The following PNPLA7 variants were observed in gnomAD, a reference collection of about 807,000 sequenced individuals.
The protein encoded by PNPLA7 is patatin-like phospholipase domain-containing protein 7.
PNPLA7 carries 153 observed loss-of-function variants against 161.7 expected under a neutral mutation model. That is an observed-to-expected ratio of 0.95 (90% CI 0.83 to 1.08). The LOEUF (loss-of-function observed/expected upper bound fraction) is 1.08, where lower values mean the gene tolerates loss of function less well. Among genes scored for constraint, PNPLA7 ranks in the 50% least tolerant of loss-of-function variants. The pLI, the probability that PNPLA7 is intolerant of heterozygous loss-of-function variation, is 0.00. For synonymous variants in PNPLA7, 809 were observed against 782.1 expected (o/e 1.03, Z -0.57); for missense variants, 1,739 against 1,856.6 (o/e 0.94, Z 1.16).
At chr9:137,488,531 G>A (rs1043800320) in intron 20 of PNPLA7, among the ~76,000 whole-genome samples, 8 of 152,184 alleles carry the variant, frequency 5.3e-5, no homozygotes, top group African/African-American at 1.7e-4. Context: ...TCCAAAGGAT[G>A]GAGAGGAAGG....
At chr9:137,498,761 C>T (rs553326090) in intron 16 of PNPLA7, among the ~76,000 whole-genome samples, 8 of 152,120 alleles carry the variant, frequency 5.3e-5, no homozygotes, top group South Asian at 2.1e-4. Context: ...GACAGACTGT[C>T]GAGGGTGAGG....
chr9:137,503,600 A>AAGGAGGAAGAAGG (rs1222424070), intron 14 of PNPLA7, among the ~76,000 whole-genome samples: 1 of 101,044 alleles, frequency 9.9e-6, no homozygotes, highest in East Asian at 3.4e-4. Context: ...GGAGAAGGAG[A>AAGGAGGAAGAAGG]AGGAGGAAGA....
chr9:137,480,377 A>C lies in PNPLA7; in HGVS notation c.2515T>G (p.Cys839Gly). The C allele has an allele frequency of 6.2e-7, 1 of 1,613,536 alleles. No homozygotes were observed. Among genetic ancestry groups the C allele is most frequent in the South Asian group, 1.1e-5 (1 of 91,060 alleles). The change falls in exon 23 of 35, where the codon TGC becomes GGC. Residue 839 changes from cysteine to glycine, a missense_variant. Coordinates refer to ENST00000406427, the MANE Select transcript of PNPLA7 (RefSeq NM_001098537.3). Reference sequence around the variant, plus strand: ...AGGATGCAGTCGGCCTGGCGCACGCAGCGCTGGGTCCAGGGTGTGAGCGTG... The same window carrying C: ...AGGATGCAGTCGGCCTGGCGCACGCCGCGCTGGGTCCAGGGTGTGAGCGTG... ...DGTLTPWTQR[C>G]VRQADCILIV...
intron 8 of PNPLA7, among the ~76,000 whole-genome samples, chr9:137,533,566 C>G (rs1835705828): frequency 6.7e-6 from 1 of 150,144 alleles, no homozygotes; most frequent in Non-Finnish European, 1.5e-5. Flanking sequence ...ACAATGTCCA[C>G]TCCAGGCGGG....
At chr9:137,474,856 C>CAAAAA (rs750987273) in intron 25 of PNPLA7, among the ~76,000 whole-genome samples, 1,766 of 107,058 alleles carry the variant, frequency 0.016, 48 homozygotes, top group African/African-American at 0.057. Flanking sequence ...ACTAAAAATA[C>CAAAAA]AAAAAAAAAA....
chr9:137,484,720 G>A lies in PNPLA7; in HGVS notation c.2214C>T (p.Leu738=), dbSNP rs1232377237. Residue 738 remains leucine (L), a synonymous_variant, in exon 21 of 35, where the codon CTC becomes CTT. Coordinates refer to ENST00000406427, the MANE Select transcript of PNPLA7 (RefSeq NM_001098537.3). ...AGTCCCACTTGCTGCCCTCCGTGGG[G>A]AGCCCAAGCTGGTGGCCTGTGGAGC... ...QGPVTGHQLG[L]PTEGSKWDLG... is the part of the protein sequence containing the mutation. 1 of 1,610,446 alleles carries A rather than the reference G, an allele frequency of 6.2e-7. No homozygotes were observed. Among genetic ancestry groups the A allele is most frequent in the Non-Finnish European group, 8.5e-7 (1 of 1,178,384 alleles).
At chr9:137,532,910 C>T (rs1043068761) in intron 8 of PNPLA7, among the ~76,000 whole-genome samples, 1 of 151,894 alleles carries the variant, frequency 6.6e-6, no homozygotes, top group Non-Finnish European at 1.5e-5. Flanking sequence ...GGGAGCACTC[C>T]CAGACTCCTC....
At chr9:137,503,607 A>AAGAAGGAGGAGGG (rs1416398945) in intron 14 of PNPLA7, among the ~76,000 whole-genome samples, 24 of 123,282 alleles carry the variant, frequency 1.9e-4, no homozygotes, top group East Asian at 8.0e-4. Flanking sequence ...GAGAAGGAGG[A>AAGAAGGAGGAGGG]AGAAGGAGGA....
At chr9:137,495,296 G>A (rs1360202024) in intron 18 of PNPLA7, 150 bp from the exon 19 acceptor site, 12 of 595,302 alleles carry the variant, frequency 2.0e-5, no homozygotes, top group East Asian at 5.7e-5. Context: ...GCTGGCGGGC[G>A]ACGCTGTCAG....
At chr9:137,548,735 G>A (rs1040988160) in intron 1 of PNPLA7, among the ~76,000 whole-genome samples, 2 of 152,126 alleles carry the variant, frequency 1.3e-5, no homozygotes, top group East Asian at 1.9e-4. Context: ...GCGACAGAGC[G>A]AGACTCCATC....
At position 137,541,591 on chromosome 9, in the gene PNPLA7, G is replaced by T; in HGVS notation, c.667-869C>A. ...TTTGCTGAGTGCGTGCTTTAAATGA[G>T]AACAAGCAATGGGAAGTCTGGGTCG... On this transcript the variant is annotated intron_variant, in intron 7 of 34. Transcript: ENST00000406427. The surrounding 1 kb of genome is among the most constrained non-coding windows in gnomAD (Gnocchi z 4.4). 1.5e-6 allele frequency: 1 copy of T among 676,984 alleles called. No individual in the cohort carries two copies. The highest frequency in any genetic ancestry group is 1.8e-6 in the Non-Finnish European group (1 of 547,912). 41.9% of individuals were successfully genotyped at this position (676,984 alleles called of 1,614,324 possible).
At chr9:137,545,469 G>A (rs541329060) in intron 4 of PNPLA7, among the ~76,000 whole-genome samples, 30 of 152,294 alleles carry the variant, frequency 2.0e-4, no homozygotes, top group South Asian at 1.2e-3. Flanking sequence ...GCAGCTTTCC[G>A]TTCTCACTTA....
chr9:137,488,722 C>T (rs142245136), intron 20 of PNPLA7, among the ~76,000 whole-genome samples: 12 of 139,978 alleles, frequency 8.6e-5, no homozygotes, highest in Non-Finnish European at 1.7e-4. Context: ...ACATCCCCCC[C>T]CAACTGTGCA....
At chr9:137,517,927 C>G (rs1319142019) in intron 11 of PNPLA7, among the ~76,000 whole-genome samples, 1 of 84,922 alleles carries the variant, frequency 1.2e-5, no homozygotes, top group Non-Finnish European at 2.3e-5. Flanking sequence ...TCACTCACTC[C>G]ACTCTGTCCA....
rs546709051 is a variant in PNPLA7, at chr9:137,523,398, C to G, written c.748-541G>C. On this transcript the variant is annotated intron_variant, in intron 8 of 34. Transcript: ENST00000406427. The surrounding 1 kb of genome is among the most constrained non-coding windows in gnomAD (Gnocchi z 4.4). ...GCCCAGGTGAGGAGCCACAGTGGCTCACCGCGTGGATGTGGCCAGCAGAGC... is the reference window on the plus strand; with the variant it reads ...GCCCAGGTGAGGAGCCACAGTGGCTGACCGCGTGGATGTGGCCAGCAGAGC... 5.1e-4 allele frequency among the ~76,000 whole-genome samples: 77 copies of G among 152,236 alleles called. No homozygotes were observed. Among genetic ancestry groups the G allele is most frequent in the African/African-American group, 1.8e-3 (74 of 41,560 alleles).
intron 8 of PNPLA7, among the ~76,000 whole-genome samples, chr9:137,534,932 G>T (rs1835805776): frequency 7.1e-6 from 1 of 140,592 alleles, no homozygotes; most frequent in African/African-American, 3.1e-5. Context: ...CCACTAATGA[G>T]ACCTTAACCC....
intron 33 of PNPLA7, 94 bp downstream of exon 33, chr9:137,461,442 A>C: frequency 1.8e-6 from 2 of 1,114,676 alleles, no homozygotes; most frequent in Admixed American, 3.5e-5. Context: ...GCGGGAGGGG[A>C]GGCCGTGGGC....
rs866109527 is a variant in PNPLA7, at chr9:137,538,779, C to T, written c.747+1863G>A. On this transcript the variant is annotated intron_variant, in intron 8 of 34. Transcript: ENST00000406427. ...TAAATTCCAGTTAATGGGCCAAGCG[C>T]GGTGGCTCAGGCCTGTAATCCCAGC... Among the ~76,000 whole-genome samples, 12 of 152,278 alleles carry T rather than the reference C, an allele frequency of 7.9e-5. 1 individual carries two copies. The highest frequency in any genetic ancestry group is 6.5e-4 in the Admixed American group (10 of 15,294).
chr9:137,542,792 G>A lies in PNPLA7; in HGVS notation c.516C>T (p.Gly172=), dbSNP rs1836279047. Residue 172 remains glycine (G), a synonymous_variant, in exon 7 of 35, where the codon GGC becomes GGT. Coordinates refer to ENST00000406427, the MANE Select transcript of PNPLA7 (RefSeq NM_001098537.3). ...LYMLKNVRVL[G]HFEKPLFLEL... ...CCAGGAACAGCGGCTTCTCAAAGTG[G>A]CCCAGGACCCTGCAAGAGCCAGAGG... 2.5e-6 allele frequency: 4 copies of A among 1,611,576 alleles called. No individual in the cohort carries two copies. Among genetic ancestry groups the A allele is most frequent in the Admixed American group, 1.7e-5 (1 of 59,972 alleles).
Sources: allele counts gnomAD v4.1 joint callset (sites outside exome capture counted in the v4.1 genomes callset), GRCh38; gene constraint gnomAD v4.1.1; non-coding constraint Gnocchi (gnomAD v3.1); transcripts MANE v1.5; gene names NCBI Gene and HGNC (gene_info 2026-07-23, HGNC 2026-07-21).